The following MYOM2 variants were observed in gnomAD, a reference collection of about 807,000 sequenced individuals.
The protein encoded by MYOM2 is myomesin-2.
MYOM2 carries 254 observed loss-of-function variants against 187.6 expected under a neutral mutation model. The observed-to-expected ratio is 1.35, with a 90% confidence interval of 1.22 to 1.50. The LOEUF (loss-of-function observed/expected upper bound fraction) is 1.50, where lower values mean the gene tolerates loss of function less well. Among genes scored for constraint, MYOM2 ranks in the 40% most tolerant of loss-of-function variants. The pLI, the probability that MYOM2 is intolerant of heterozygous loss-of-function variation, is 0.00. For missense variants in MYOM2, 2,796 were observed against 1,924.0 expected (o/e 1.45, Z -8.48); for synonymous variants, 981 against 753.8 (o/e 1.30, Z -4.94).
Position 2,118,108 on chromosome 8 carries a change from T to C in MYOM2, c.3453+156T>C, listed in dbSNP as rs562556620. 7.2e-5 allele frequency among the ~76,000 whole-genome samples: 11 copies of C among 152,298 alleles called. No homozygotes were observed. In the East Asian group the frequency reaches 1.9e-3, roughly 27 times the overall value. ...GATGGGCGGAGTGGCTTTTGGGTCC[T>C]GTGGACTTTTTAATACTTGGACTTC... is the stretch of plus-strand genomic sequence containing the variant. On this transcript the variant is annotated intron_variant, in intron 28 of 36. Transcript: ENST00000262113.
At chr8:2,095,048 A>T (rs572598466) in intron 17 of MYOM2, among the ~76,000 whole-genome samples, 2 of 152,218 alleles carry the variant, frequency 1.3e-5, no homozygotes, top group African/African-American at 4.8e-5. Flanking sequence ...AGAGGGAACT[A>T]TGTGGCTCGT....
chr8:2,072,446 T>G lies in MYOM2; in HGVS notation c.895T>G (p.Cys299Gly). The change falls in exon 9 of 37, where the codon TGC (cysteine) becomes GGC (glycine). Residue 299 changes from cysteine to glycine, a missense_variant. Transcript: ENST00000262113. Reference protein sequence around the residue: ...RREGETVTLKCTMLVTPDLKR... With the variant: ...RREGETVTLKGTMLVTPDLKR... ...GGAAGGCGAGACGGTCACTCTCAAG[T>G]GCACCATGCTGGTGACGCCGGACCT... The G allele has an allele frequency of 1.9e-6, 3 of 1,614,168 alleles. No individual in the cohort carries two copies. Among genetic ancestry groups the G allele is most frequent in the Non-Finnish European group, 2.5e-6 (3 of 1,180,042 alleles).
chr8:2,059,750 T>C lies in MYOM2; in HGVS notation c.653+505T>C, dbSNP rs544033505. Among the ~76,000 whole-genome samples, 10 of 151,230 alleles carry C rather than the reference T, an allele frequency of 6.6e-5. No individual in the cohort carries two copies. In the South Asian group the frequency reaches 8.5e-4, roughly 13 times the overall value. ...CTCACGCGACACACACACTTTTTTT[T>C]TTTTTTTTTGAGGCAGAGTTTCGCT... On this transcript the variant is annotated intron_variant, in intron 6 of 36. Coordinates refer to ENST00000262113, the MANE Select transcript of MYOM2 (RefSeq NM_003970.4).
chr8:2,079,447 A>T, intron 12 of MYOM2, 113 bp from the exon 13 acceptor site: 1 of 1,004,970 alleles, frequency 1.0e-6, no homozygotes. Context: ...CAGAGGACTC[A>T]CAGGTTGTAG....
At chr8:2,082,431 T>C (rs1585869931) in intron 13 of MYOM2, among the ~76,000 whole-genome samples, 1 of 152,278 alleles carries the variant, frequency 6.6e-6, no homozygotes, top group East Asian at 1.9e-4. Context: ...AGCTAGAAAA[T>C]ACTTGGTAAA....
chr8:2,055,466 A>T (rs923633823), intron 3 of MYOM2, among the ~76,000 whole-genome samples: 4 of 152,166 alleles, frequency 2.6e-5, no homozygotes, highest in Non-Finnish European at 2.9e-5. Context: ...CTGAGGCCCA[A>T]ACAGACTGTT....
chr8:2,064,698 C>T (rs530774862), intron 6 of MYOM2, among the ~76,000 whole-genome samples: 29 of 152,342 alleles, frequency 1.9e-4, no homozygotes, highest in Admixed American at 7.8e-4. Flanking sequence ...GAAAAACAAG[C>T]TCCTTGCCCT....
At chr8:2,136,100 A>G (rs73657762) in intron 32 of MYOM2, among the ~76,000 whole-genome samples, 19,833 of 152,210 alleles carry the variant, frequency 0.13, 2,189 homozygotes, top group African/African-American at 0.28. Context: ...AGGGAACAGA[A>G]TTAGAACCCA....
At chr8:2,092,596 A>G (rs933406409) in intron 16 of MYOM2, 76 bp downstream of exon 16, 30 of 1,467,168 alleles carry the variant, frequency 2.0e-5, no homozygotes, top group African/African-American at 2.8e-5. Context: ...TGGCCCTGGC[A>G]CAGGGAGTAC....
At position 2,079,753 on chromosome 8, in the gene MYOM2, C is replaced by T. The variant is rs549402117; in HGVS notation, c.1516+140C>T. ...AAATGAAAACCGCAGGTCAGGCCTGCAAGCCCAGTGTCCATAGAAGTTAAA... is the reference window on the plus strand; with the variant it reads ...AAATGAAAACCGCAGGTCAGGCCTGTAAGCCCAGTGTCCATAGAAGTTAAA... On this transcript the variant is annotated intron_variant, in intron 13 of 36. Coordinates refer to ENST00000262113, the MANE Select transcript of MYOM2 (RefSeq NM_003970.4). The T allele has an allele frequency of 2.5e-4, 221 of 882,412 alleles. 1 individual carries two copies. Among genetic ancestry groups the T allele is most frequent in the South Asian group, 7.6e-4 (56 of 73,876 alleles). The allele number at this position is 882,412 out of a possible 1,614,324, so 54.7% of individuals were successfully genotyped here.
intron 17 of MYOM2, among the ~76,000 whole-genome samples, chr8:2,095,794 A>C (rs1032088336): frequency 6.6e-6 from 1 of 152,210 alleles, no homozygotes; most frequent in African/African-American, 2.4e-5. Context: ...AGGAACCTGA[A>C]GTTCCTCTAA....
chr8:2,127,017 C>A (rs1797672145), intron 31 of MYOM2, among the ~76,000 whole-genome samples: 1 of 151,676 alleles, frequency 6.6e-6, no homozygotes, highest in Admixed American at 6.6e-5. Context: ...CTGATAGAGG[C>A]TGGGGGAGCT....
At chr8:2,112,971 T>C (rs902120890) in intron 25 of MYOM2, among the ~76,000 whole-genome samples, 4 of 152,226 alleles carry the variant, frequency 2.6e-5, no homozygotes, top group South Asian at 2.1e-4. Context: ...GTTTTGCTCA[T>C]GTGGCCCCAA....
intron 36 of MYOM2, 55 bp downstream of exon 36, chr8:2,143,511 A>T: frequency 6.2e-7 from 1 of 1,603,900 alleles, no homozygotes. Flanking sequence ...CGATGGACGC[A>T]ACCCCTTCTC....
intron 25 of MYOM2, among the ~76,000 whole-genome samples, chr8:2,110,967 T>A (rs1797050889): frequency 6.6e-6 from 1 of 152,182 alleles, no homozygotes; most frequent in African/African-American, 2.4e-5. Flanking sequence ...CTAGCTTCTT[T>A]TGGGCTGCAA....
At chr8:2,114,832 A>G (rs973572911) in intron 25 of MYOM2, among the ~76,000 whole-genome samples, 2 of 152,004 alleles carry the variant, frequency 1.3e-5, no homozygotes, top group African/African-American at 2.4e-5. Flanking sequence ...TGCCCAAGCG[A>G]TCCTCCTGCC....
intron 32 of MYOM2, among the ~76,000 whole-genome samples, chr8:2,135,089 C>T (rs1798022137): frequency 6.6e-6 from 1 of 152,266 alleles, no homozygotes; most frequent in South Asian, 2.1e-4. Flanking sequence ...AAGCCTTGTT[C>T]CTTTCCTGAG....
intron 15 of MYOM2, 48 bp from the exon 16 acceptor site, chr8:2,092,298 C>T (rs1274110890): frequency 1.9e-6 from 3 of 1,592,330 alleles, no homozygotes; most frequent in East Asian, 2.2e-5. Flanking sequence ...GCTGTAGCTT[C>T]CAAAGCTCTG....
chr8:2,081,814 T>A (rs1236483744), intron 13 of MYOM2: 4 of 152,220 alleles, frequency 2.6e-5, no homozygotes, highest in Non-Finnish European at 2.9e-5. Flanking sequence ...GGTTTGCCAG[T>A]TGATAAAGTG....
Sources: allele counts gnomAD v4.1 joint callset (sites outside exome capture counted in the v4.1 genomes callset), GRCh38; gene constraint gnomAD v4.1.1; transcripts MANE v1.5; gene names NCBI Gene and HGNC (gene_info 2026-07-23, HGNC 2026-07-21).